Variants in STEAP1B observed in about 807,000 individuals in gnomAD.
STEAP1B encodes the protein STEAP family protein MGC87042.
Under a neutral mutation model 27.9 loss-of-function variants are expected in STEAP1B, and 13 were observed. That is an observed-to-expected ratio of 0.47 (90% CI 0.30 to 0.74). The LOEUF is 0.74. STEAP1B is among the 30% of genes least tolerant of loss of function. The pLI is 0.06. For missense variants in STEAP1B, 250 were observed against 298.7 expected, an observed-to-expected ratio of 0.84 and a Z score of 1.20; for synonymous variants, 86 against 107.1, an observed-to-expected ratio of 0.80 and a Z score of 1.22.
intron 1 of STEAP1B, among the ~76,000 whole-genome samples, chr7:22,498,125 T>G (rs1786473204): frequency 6.6e-6 from 1 of 152,176 alleles, no homozygotes; most frequent in African/African-American, 2.4e-5. Context: ...GCAGTAATGC[T>G]CGCTGGCCTG....
chr7:22,454,866 T>TGTGTATATATA (rs58504014), intron 4 of STEAP1B, among the ~76,000 whole-genome samples: 44 of 57,128 alleles, frequency 7.7e-4, no homozygotes, highest in African/African-American at 2.3e-3. Context: ...TATATATATA[T>TGTGTATATATA]TTTTTTTTTT....
At chr7:22,450,633 TG>T (rs1188122305) in intron 4 of STEAP1B, among the ~76,000 whole-genome samples, 1 of 149,110 alleles carries the variant, frequency 6.7e-6, no homozygotes, top group Admixed American at 6.8e-5. Flanking sequence ...GCTTTGGCCA[TG>T]GGTCTTTTGT....
intron 4 of STEAP1B, among the ~76,000 whole-genome samples, chr7:22,466,330 A>G (rs560626319): frequency 2.6e-5 from 4 of 152,150 alleles, no homozygotes; most frequent in Admixed American, 6.5e-5. Context: ...CCAGGTAATG[A>G]GCATAGTACT....
intron 4 of STEAP1B, among the ~76,000 whole-genome samples, chr7:22,439,231 A>C (rs1785296155): frequency 6.6e-6 from 1 of 152,222 alleles, no homozygotes; most frequent in South Asian, 2.1e-4. Flanking sequence ...CATCCTGTGA[A>C]GCATGACTTT....
Position 22,419,547 on chromosome 7 carries a change from T to C in STEAP1B, c.*257A>G, listed in dbSNP as rs1282963415. ...ATCCTCGTGTCGGGATAGGCTAGGT[T>C]AGGCTCCGTAACAACCAACACAATC... On this transcript the variant is annotated 3_prime_UTR_variant, in exon 5 of 5. Coordinates refer to ENST00000678116, the MANE Select transcript of STEAP1B (RefSeq NM_001382447.1). 9.4e-6 allele frequency: 3 copies of C among 319,990 alleles called. No homozygotes were observed. The allele number at this position is 319,990 out of a possible 1,614,324, so 19.8% of individuals were successfully genotyped here.
Position 22,422,696 on chromosome 7 carries a change from T to C in STEAP1B, c.763-2860A>G, listed in dbSNP as rs574671472. 3.2e-4 allele frequency among the ~76,000 whole-genome samples: 49 copies of C among 152,298 alleles called. No homozygotes were observed. In the South Asian group the frequency reaches 0.01, roughly 32 times the overall value. On this transcript the variant is annotated intron_variant, in intron 4 of 4. Transcript: ENST00000678116. ...TTTTAGTAGAGACAGGGTTTCACCA[T>C]GTTGGCCAGGTTGGTCTCGAACTCC...
chr7:22,429,461 T>A (rs1180846174), intron 4 of STEAP1B, among the ~76,000 whole-genome samples: 5 of 152,146 alleles, frequency 3.3e-5, no homozygotes, highest in Non-Finnish European at 7.4e-5. Context: ...TATCCACAGG[T>A]AATAGGTTCC....
chr7:22,419,898 T>C, intron 4 of STEAP1B, 62 bp from the exon 5 acceptor site: 1 of 1,488,550 alleles, frequency 6.7e-7, no homozygotes, highest in Non-Finnish European at 9.0e-7. Flanking sequence ...CTATATTAAT[T>C]TGCGTCCATT....
chr7:22,456,677 G>A (rs2128406325), intron 4 of STEAP1B, among the ~76,000 whole-genome samples: 2 of 151,946 alleles, frequency 1.3e-5, no homozygotes, highest in South Asian at 4.2e-4. Context: ...CTGACTCCTT[G>A]AGTCATGAAA....
At chr7:22,466,075 C>T (rs1785775026) in intron 4 of STEAP1B, among the ~76,000 whole-genome samples, 1 of 152,194 alleles carries the variant, frequency 6.6e-6, no homozygotes, top group Non-Finnish European at 1.5e-5. Context: ...TCAGGGTATG[C>T]TGAAGTTACT....
intron 4 of STEAP1B, among the ~76,000 whole-genome samples, chr7:22,446,851 G>A (rs956834345): frequency 1.3e-5 from 2 of 152,164 alleles, no homozygotes; most frequent in South Asian, 4.1e-4. Context: ...GCTGTGAAGA[G>A]TAATGAGACA....
intron 4 of STEAP1B, among the ~76,000 whole-genome samples, chr7:22,460,653 G>C (rs1329701928): frequency 6.6e-6 from 1 of 152,116 alleles, no homozygotes; most frequent in African/African-American, 2.4e-5. Flanking sequence ...GACCACTGCA[G>C]AAAGGTCATT....
intron 4 of STEAP1B, among the ~76,000 whole-genome samples, chr7:22,492,043 C>T (rs188836658): frequency 6.6e-5 from 10 of 152,024 alleles, no homozygotes; most frequent in Admixed American, 5.2e-4. Flanking sequence ...ATAGGTAGGC[C>T]GGGCGCGGTG....
At chr7:22,445,743 C>T (rs1300527944) in intron 4 of STEAP1B, among the ~76,000 whole-genome samples, 1 of 152,236 alleles carries the variant, frequency 6.6e-6, no homozygotes, top group Non-Finnish European at 1.5e-5. Context: ...CCTTTAAACT[C>T]AAAGTCAGAG....
intron 4 of STEAP1B, among the ~76,000 whole-genome samples, chr7:22,436,896 T>C (rs893186577): frequency 6.6e-6 from 1 of 152,216 alleles, no homozygotes; most frequent in African/African-American, 2.4e-5. Context: ...TTATATTCAT[T>C]TGGGTCTATA....
Position 22,484,551 on chromosome 7 carries a change from A to G in STEAP1B, c.762+8014T>C, listed in dbSNP as rs144190192. On this transcript the variant is annotated intron_variant, in intron 4 of 4. Transcript: ENST00000678116. Reference sequence around the variant, plus strand: ...CACCCAAGAGCTCAGATGGAGATGCAAGGAGACGAATGTTTTGTTTTGTTT... The same window carrying G: ...CACCCAAGAGCTCAGATGGAGATGCGAGGAGACGAATGTTTTGTTTTGTTT... 4.4e-3 allele frequency among the ~76,000 whole-genome samples: 672 copies of G among 152,334 alleles called. 2 individuals are homozygous for G. The highest frequency in any genetic ancestry group is 6.8e-3 in the Middle Eastern group (2 of 294).
At chr7:22,421,330 T>C (rs1337393194) in intron 4 of STEAP1B, among the ~76,000 whole-genome samples, 1 of 152,262 alleles carries the variant, frequency 6.6e-6, no homozygotes, top group Admixed American at 6.5e-5. Context: ...ATTTGAATGC[T>C]TAATATGTGC....
At chr7:22,485,990 T>C (rs932658522) in intron 4 of STEAP1B, among the ~76,000 whole-genome samples, 4 of 152,322 alleles carry the variant, frequency 2.6e-5, no homozygotes, top group Admixed American at 2.6e-4. Context: ...GCTATTAGTA[T>C]ACTGCCTGGC....
intron 4 of STEAP1B, among the ~76,000 whole-genome samples, chr7:22,423,451 T>C (rs1248663151): frequency 6.6e-6 from 1 of 152,220 alleles, no homozygotes; most frequent in Non-Finnish European, 1.5e-5. Flanking sequence ...GGCATACTGA[T>C]ACATGCTGCA....
Sources: gnomAD v4.1 joint callset for allele counts (sites outside exome capture counted in the v4.1 genomes callset) on GRCh38, gnomAD v4.1.1 for gene constraint, MANE v1.5 for transcripts, NCBI Gene and HGNC (gene_info 2026-07-23, HGNC 2026-07-21) for gene names.